The following STXBP5L variants were observed in gnomAD, a reference collection of about 807,000 sequenced individuals.
The protein encoded by STXBP5L is syntaxin-binding protein 5-like.
A neutral mutation model predicts 144.5 loss-of-function variants in STXBP5L; 65 were observed. That is an observed-to-expected ratio of 0.45 (90% confidence interval 0.37 to 0.55). STXBP5L has a LOEUF of 0.55. Ranked by LOEUF, STXBP5L falls within the 20% of genes least tolerant of loss-of-function variation. The pLI is 0.00. For missense variants in STXBP5L, 1,298 were observed against 1,405.5 expected (o/e 0.92, Z 1.22); for synonymous variants, 505 against 469.6 (o/e 1.08, Z -0.97).
intron 9 of STXBP5L, among the ~76,000 whole-genome samples, chr3:121,167,781 G>T (rs571967378): frequency 1.3e-5 from 2 of 152,324 alleles, no homozygotes; most frequent in East Asian, 3.9e-4. Flanking sequence ...ATCCCTGCCT[G>T]CTGACTCTGA....
At chr3:121,206,461 G>A (rs1435252156) in intron 10 of STXBP5L, among the ~76,000 whole-genome samples, 2 of 152,076 alleles carry the variant, frequency 1.3e-5, no homozygotes, top group South Asian at 2.1e-4. Flanking sequence ...AAATTTTAAG[G>A]TGTTGAAAAA....
At chr3:121,051,164 T>G (rs932181061) in intron 5 of STXBP5L, among the ~76,000 whole-genome samples, 12 of 152,066 alleles carry the variant, frequency 7.9e-5, no homozygotes, top group African/African-American at 2.9e-4. Context: ...CTGTCAACAT[T>G]AGACAGATCA....
intron 19 of STXBP5L, among the ~76,000 whole-genome samples, chr3:121,290,157 G>A (rs1452650426): frequency 6.6e-6 from 1 of 151,942 alleles, no homozygotes; most frequent in Non-Finnish European, 1.5e-5. Flanking sequence ...GAACATTAAT[G>A]ATATTAACCA....
chr3:121,155,314 G>T (rs1020075118), intron 8 of STXBP5L, among the ~76,000 whole-genome samples: 3 of 151,708 alleles, frequency 2.0e-5, no homozygotes, highest in Non-Finnish European at 4.4e-5. Flanking sequence ...CTGAGCCTTT[G>T]CTCCTTCTAA....
chr3:121,149,675 T>C (rs1193777921), intron 7 of STXBP5L, among the ~76,000 whole-genome samples: 1 of 151,882 alleles, frequency 6.6e-6, no homozygotes, highest in Non-Finnish European at 1.5e-5. Flanking sequence ...GAAAAGGTAA[T>C]GAAGAGAAGA....
chr3:121,180,662 T>A (rs2047105214), intron 9 of STXBP5L, among the ~76,000 whole-genome samples: 1 of 152,040 alleles, frequency 6.6e-6, no homozygotes, highest in Admixed American at 6.5e-5. Flanking sequence ...ATCACTTGAG[T>A]TCAGCGGTTC....
chr3:121,014,180 T>C (rs1944977906), intron 3 of STXBP5L, among the ~76,000 whole-genome samples: 1 of 151,956 alleles, frequency 6.6e-6, no homozygotes. Context: ...AAAAGTCATG[T>C]TGGTAAATAG....
intron 12 of STXBP5L, among the ~76,000 whole-genome samples, chr3:121,235,058 C>A (rs938449196): frequency 4.6e-5 from 7 of 151,408 alleles, no homozygotes; most frequent in African/African-American, 1.7e-4. Flanking sequence ...ATAAAAGTTA[C>A]CATTTTATGT....
intron 20 of STXBP5L, among the ~76,000 whole-genome samples, chr3:121,373,462 C>A (rs1175749401): frequency 6.6e-6 from 1 of 152,198 alleles, no homozygotes; most frequent in African/African-American, 2.4e-5. Flanking sequence ...ATTTTGAGAG[C>A]AGAGTAAACA....
chr3:121,392,799 A>T (rs1424122551), intron 22 of STXBP5L, among the ~76,000 whole-genome samples: 1 of 121,664 alleles, frequency 8.2e-6, no homozygotes, highest in Non-Finnish European at 1.8e-5. Flanking sequence ...ATATATATAT[A>T]TATATATATC....
chr3:121,243,238 T>C (rs963003081), intron 14 of STXBP5L, among the ~76,000 whole-genome samples: 5 of 152,182 alleles, frequency 3.3e-5, no homozygotes, highest in Admixed American at 2.6e-4. Context: ...GAGCAAAATA[T>C]ATTTCAGTGG....
At chr3:120,977,028 T>TG in intron 3 of STXBP5L, among the ~76,000 whole-genome samples, 1 of 152,300 alleles carries the variant, frequency 6.6e-6, no homozygotes, top group East Asian at 1.9e-4. Flanking sequence ...TCTGTTGATT[T>TG]GGGGTGGAGA....
At chr3:121,237,017 G>C (rs1234835520) in intron 12 of STXBP5L, among the ~76,000 whole-genome samples, 1 of 152,214 alleles carries the variant, frequency 6.6e-6, no homozygotes, top group East Asian at 1.9e-4. Flanking sequence ...ATTGGTGCAA[G>C]GGGTGGGCTC....
At chr3:121,096,402 CGA>C (rs1195974944) in intron 5 of STXBP5L, among the ~76,000 whole-genome samples, 2 of 152,084 alleles carry the variant, frequency 1.3e-5, no homozygotes, top group African/African-American at 4.8e-5. Flanking sequence ...CTGTTGCTGG[CGA>C]GACACTGTGA....
intron 3 of STXBP5L, among the ~76,000 whole-genome samples, chr3:120,981,380 G>T (rs1047756121): frequency 1.3e-5 from 2 of 151,980 alleles, no homozygotes; most frequent in Non-Finnish European, 2.9e-5. Context: ...CAAAGGCTCT[G>T]CTCATTTTTA....
At chr3:120,947,373 C>T (rs572930628) in intron 2 of STXBP5L, among the ~76,000 whole-genome samples, 1 of 151,788 alleles carries the variant, frequency 6.6e-6, no homozygotes, top group African/African-American at 2.4e-5. Context: ...CAACTAGGTA[C>T]CCCAACTGAT....
chr3:121,051,312 C>A (rs1277447742), intron 5 of STXBP5L, among the ~76,000 whole-genome samples: 1 of 152,092 alleles, frequency 6.6e-6, no homozygotes, highest in Non-Finnish European at 1.5e-5. Flanking sequence ...CACACCTATT[C>A]CAAAATTGAC....
At chr3:120,992,714 T>C (rs1193753866) in intron 3 of STXBP5L, among the ~76,000 whole-genome samples, 1 of 152,166 alleles carries the variant, frequency 6.6e-6, no homozygotes, top group Non-Finnish European at 1.5e-5. Flanking sequence ...TGATGGAAAC[T>C]TAGCTTGATT....
chr3:120,966,202 G>C (rs568118016), intron 3 of STXBP5L, among the ~76,000 whole-genome samples: 2 of 152,078 alleles, frequency 1.3e-5, no homozygotes, highest in Non-Finnish European at 2.9e-5. Flanking sequence ...AAGGTTTTTA[G>C]CTTCCTTGCA....
Sources: gnomAD v4.1 joint callset for allele counts (sites outside exome capture counted in the v4.1 genomes callset) on GRCh38, gnomAD v4.1.1 for gene constraint, MANE v1.5 for transcripts, NCBI Gene and HGNC (gene_info 2026-07-23, HGNC 2026-07-21) for gene names.